Variants in SLC24A2 observed in about 807,000 individuals in gnomAD.
SLC24A2 encodes sodium/potassium/calcium exchanger 2.
A neutral mutation model predicts 62.0 loss-of-function variants in SLC24A2; 36 were observed. The ratio of observed to expected loss-of-function variants is 0.58; its 90% CI spans 0.44 to 0.77. SLC24A2 has a LOEUF of 0.77. Ranked by LOEUF, SLC24A2 falls within the 30% of genes least tolerant of loss-of-function variation. The pLI is 0.00. For missense variants in SLC24A2, 846 were observed against 817.9 expected (o/e 1.03, Z -0.42); for synonymous variants, 358 against 294.0 (o/e 1.22, Z -2.23).
the SLC24A2 span, among the ~76,000 whole-genome samples, chr9:20,037,622 T>G: frequency 1.1e-4 from 17 of 152,196 alleles, no homozygotes; most frequent in Non-Finnish European, 1.6e-4. Flanking sequence ...ATGTAAAACA[T>G]GGTCCCAAAT....
intron 2 of SLC24A2, among the ~76,000 whole-genome samples, chr9:19,759,532 T>C (rs1443182185): frequency 2.0e-5 from 3 of 152,228 alleles, no homozygotes; most frequent in Admixed American, 2.0e-4. Flanking sequence ...AATGGCAGCA[T>C]TGCAGCCATA....
intron 6 of SLC24A2, among the ~76,000 whole-genome samples, chr9:19,574,096 A>G (rs7022272): frequency 0.16 from 24,790 of 152,010 alleles, 2,203 homozygotes; most frequent in East Asian, 0.32. Flanking sequence ...AGGGTTCGAC[A>G]GGTTGACCTC....
the SLC24A2 span, among the ~76,000 whole-genome samples, chr9:19,938,435 A>G: frequency 6.6e-6 from 1 of 152,116 alleles, no homozygotes; most frequent in Non-Finnish European, 1.5e-5. Flanking sequence ...TCTTCCCAAT[A>G]CTGTGACACT....
the SLC24A2 span, among the ~76,000 whole-genome samples, chr9:20,131,195 C>T: frequency 6.6e-6 from 1 of 152,176 alleles, no homozygotes; most frequent in African/African-American, 2.4e-5. Flanking sequence ...ACTCTTAGCC[C>T]TGTGGGAGGA....
At position 19,783,258 on chromosome 9, in the gene SLC24A2, T is replaced by C. The variant is rs545202289; in HGVS notation, c.930+2679A>G. Among the ~76,000 whole-genome samples the C allele has an allele frequency of 7.2e-5, 11 of 152,296 alleles. No homozygotes were observed. The East Asian group carries it at 1.9e-3, about 27-fold the overall frequency. On this transcript the variant is annotated intron_variant, in intron 2 of 10. Transcript: ENST00000341998. ...CCATTTGATGATTTGTATAAGAATA[T>C]CTAAAATGTGATTCCTCTACCTTCC...
the SLC24A2 span, among the ~76,000 whole-genome samples, chr9:20,198,143 G>T: frequency 6.6e-6 from 1 of 152,218 alleles, no homozygotes; most frequent in Non-Finnish European, 1.5e-5. Context: ...GGGTGAGAGA[G>T]CTTGGAGCAC....
At chr9:20,090,456 G>A in the SLC24A2 span, among the ~76,000 whole-genome samples, 1 of 152,272 alleles carries the variant, frequency 6.6e-6, no homozygotes, top group African/African-American at 2.4e-5. Flanking sequence ...TTGAGAGGGA[G>A]CACGATTGCA....
chr9:20,265,318 G>A, the SLC24A2 span, among the ~76,000 whole-genome samples: 6 of 152,182 alleles, frequency 3.9e-5, no homozygotes, highest in Non-Finnish European at 7.3e-5. Flanking sequence ...TAGTCGCCGA[G>A]TTGTTGCGGG....
chr9:19,646,404 G>A (rs1818639713), intron 2 of SLC24A2, among the ~76,000 whole-genome samples: 1 of 152,114 alleles, frequency 6.6e-6, no homozygotes, highest in Non-Finnish European at 1.5e-5. Flanking sequence ...GCATGCAGGG[G>A]GCTGTCACTT....
chr9:20,161,755 GATAC>G, the SLC24A2 span, among the ~76,000 whole-genome samples: 2 of 86,038 alleles, frequency 2.3e-5, no homozygotes, highest in Non-Finnish European at 4.3e-5. Context: ...AAAACATGAA[GATAC>G]ACACACACAC....
chr9:19,631,598 C>G (rs558317526), intron 2 of SLC24A2, among the ~76,000 whole-genome samples: 4 of 152,244 alleles, frequency 2.6e-5, no homozygotes, highest in African/African-American at 7.2e-5. Flanking sequence ...TGCCACCCCA[C>G]GGATGCTCTG....
the SLC24A2 span, among the ~76,000 whole-genome samples, chr9:19,877,207 G>C: frequency 6.6e-6 from 1 of 150,984 alleles, no homozygotes; most frequent in Non-Finnish European, 1.5e-5. Context: ...AAAAGGGAGG[G>C]AAATCAGAGG....
At chr9:20,083,376 T>C in the SLC24A2 span, among the ~76,000 whole-genome samples, 135 of 152,308 alleles carry the variant, frequency 8.9e-4, no homozygotes, top group Non-Finnish European at 7.6e-4. Flanking sequence ...ACCATGCTTT[T>C]CATGCCATAG....
At chr9:19,535,077 T>C (rs1833892663) in intron 8 of SLC24A2, among the ~76,000 whole-genome samples, 2 of 152,230 alleles carry the variant, frequency 1.3e-5, no homozygotes, top group Admixed American at 6.5e-5. Flanking sequence ...AGTATCTCAT[T>C]GTGGTTTTGA....
At chr9:19,642,384 A>G (rs1259412299) in intron 2 of SLC24A2, among the ~76,000 whole-genome samples, 1 of 152,226 alleles carries the variant, frequency 6.6e-6, no homozygotes, top group African/African-American at 2.4e-5. Context: ...GGGCCAGAGC[A>G]GACAGGGTTG....
chr9:19,951,226 T>TTGTG, the SLC24A2 span, among the ~76,000 whole-genome samples: 5,090 of 146,016 alleles, frequency 0.035, 176 homozygotes, highest in African/African-American at 0.088. Context: ...TTTTCTTAAG[T>TTGTG]TGTGTGTGTG....
chr9:20,071,259 AATG>A, the SLC24A2 span, among the ~76,000 whole-genome samples: 113 of 152,264 alleles, frequency 7.4e-4, no homozygotes, highest in Non-Finnish European at 1.2e-3. Flanking sequence ...GGGATGGAAT[AATG>A]GAGCCAGCAA....
chr9:20,052,237 T>C, the SLC24A2 span, among the ~76,000 whole-genome samples: 1 of 152,192 alleles, frequency 6.6e-6, no homozygotes, highest in Non-Finnish European at 1.5e-5. Context: ...AGCATTGTCA[T>C]GTTTGCACTT....
rs371020825 is a variant in SLC24A2, at chr9:19,516,386, G to A, written c.1753C>T (p.Leu585Phe). The change falls in exon 11 of 11, where the codon CTC becomes TTC. Residue 585 changes from leucine (L) to phenylalanine (F), a missense_variant. Transcript: ENST00000341998. ...AATCTGTGAATGACGGTGTACAGGAGCCAGGGCAGTGGGAGCCTGTGCAGA... is the reference window on the plus strand; with the variant it reads ...AATCTGTGAATGACGGTGTACAGGAACCAGGGCAGTGGGAGCCTGTGCAGA... Reference protein sequence around the residue: ...DITVGLPLPWLLYTVIHRFQP... With the variant: ...DITVGLPLPWFLYTVIHRFQP... The A allele has an allele frequency of 6.2e-7, 1 of 1,613,956 alleles. No individual in the cohort carries two copies. The highest frequency in any genetic ancestry group is 1.1e-5 in the South Asian group (1 of 91,078).
Sources: gnomAD v4.1 joint callset for allele counts (sites outside exome capture counted in the v4.1 genomes callset) on GRCh38, gnomAD v4.1.1 for gene constraint, MANE v1.5 for transcripts, NCBI Gene and HGNC (gene_info 2026-07-23, HGNC 2026-07-21) for gene names.